DGKB: variants seen among roughly 807,000 people sequenced by gnomAD.
The protein encoded by DGKB is 90 kDa diacylglycerol kinase.
A neutral mutation model predicts 114.3 loss-of-function variants in DGKB; 67 were observed. That is an observed-to-expected ratio of 0.59 (90% confidence interval 0.48 to 0.72). The LOEUF (loss-of-function observed/expected upper bound fraction) is 0.72. DGKB is among the 30% of genes least tolerant of loss of function. DGKB has a pLI of 0.00. For synonymous variants in DGKB, 398 were observed against 323.1 expected (o/e 1.23, Z -2.49); for missense variants, 907 against 975.2 (o/e 0.93, Z 0.93).
intron 21 of DGKB, among the ~76,000 whole-genome samples, chr7:14,422,488 A>G (rs1826867862): frequency 6.6e-6 from 1 of 152,114 alleles, no homozygotes. Context: ...GCAGAAGATC[A>G]TGTAATTTTT....
chr7:14,507,986 G>T (rs1787364477), intron 20 of DGKB, among the ~76,000 whole-genome samples: 1 of 152,022 alleles, frequency 6.6e-6, no homozygotes, highest in African/African-American at 2.4e-5. Context: ...ATCTACTTTT[G>T]GCTACTGTGG....
At chr7:14,694,693 G>C (rs1823501026) in intron 8 of DGKB, among the ~76,000 whole-genome samples, 1 of 151,596 alleles carries the variant, frequency 6.6e-6, no homozygotes, top group Non-Finnish European at 1.5e-5. Flanking sequence ...CGTTTCTAAA[G>C]ATGACTTGCA....
At chr7:14,854,890 C>T (rs569220203) in intron 1 of DGKB, among the ~76,000 whole-genome samples, 10 of 152,086 alleles carry the variant, frequency 6.6e-5, no homozygotes, top group South Asian at 4.2e-4. Context: ...GAAATAGACA[C>T]GTAATAGCTC....
intron 12 of DGKB, among the ~76,000 whole-genome samples, chr7:14,678,179 T>C (rs1335367166): frequency 4.6e-5 from 7 of 152,062 alleles, no homozygotes; most frequent in South Asian, 2.1e-4. Context: ...CTACACTCAG[T>C]ACTTTGTCAA....
intron 1 of DGKB, among the ~76,000 whole-genome samples, chr7:14,888,248 C>G (rs772927967): frequency 6.6e-6 from 1 of 151,638 alleles, no homozygotes; most frequent in Admixed American, 6.6e-5. Context: ...TAGTGGGAGG[C>G]ACAGAGACAG....
chr7:14,577,358 C>A (rs1418058038), intron 19 of DGKB, among the ~76,000 whole-genome samples: 1 of 152,162 alleles, frequency 6.6e-6, no homozygotes, highest in Admixed American at 6.5e-5. Context: ...TGGCTCATGT[C>A]TATAATCCCA....
chr7:14,811,391 A>G lies in DGKB; in HGVS notation c.70+29803T>C, dbSNP rs140275985. 5.9e-5 allele frequency among the ~76,000 whole-genome samples: 9 copies of G among 152,292 alleles called. No homozygotes were observed. In the East Asian group the frequency reaches 1.4e-3, roughly 23 times the overall value. ...CCTGGCCTAGTAACAGGAAGTTTTA[A>G]TAATACTGAAGTTGCTCTCAGTTTT... On this transcript the variant is annotated intron_variant, in intron 2 of 25. Transcript: ENST00000402815.
chr7:14,237,674 T>G (rs956806598), intron 23 of DGKB, among the ~76,000 whole-genome samples: 4 of 152,012 alleles, frequency 2.6e-5, no homozygotes, highest in African/African-American at 9.7e-5. Flanking sequence ...CAAAATAGTT[T>G]ATGTAGTAGA....
chr7:14,868,340 A>T (rs1454729529), intron 1 of DGKB, among the ~76,000 whole-genome samples: 12 of 144,452 alleles, frequency 8.3e-5, no homozygotes, highest in African/African-American at 1.0e-4. Context: ...TTTCCTTTTC[A>T]TTTTTTTTTT....
chr7:14,587,204 G>C (rs1052513851), intron 17 of DGKB, among the ~76,000 whole-genome samples: 1 of 152,058 alleles, frequency 6.6e-6, no homozygotes, highest in Non-Finnish European at 1.5e-5. Flanking sequence ...GGAAGAAGTT[G>C]ATGCCAAGTC....
chr7:14,750,939 G>C (rs913906965), intron 4 of DGKB, among the ~76,000 whole-genome samples: 3 of 151,144 alleles, frequency 2.0e-5, no homozygotes, highest in African/African-American at 7.3e-5. Context: ...AAGTATCTGA[G>C]ACTACAGGCG....
At chr7:14,850,333 C>T (rs926435915) in intron 1 of DGKB, among the ~76,000 whole-genome samples, 21 of 126,620 alleles carry the variant, frequency 1.7e-4, no homozygotes, top group African/African-American at 2.2e-4. Flanking sequence ...AATATGAAAT[C>T]GAGAGACTTT....
chr7:14,743,382 TA>T (rs1166236245), intron 4 of DGKB, among the ~76,000 whole-genome samples: 1 of 152,190 alleles, frequency 6.6e-6, no homozygotes, highest in East Asian at 1.9e-4. Context: ...TTCCCTATTT[TA>T]AAATTTTTGA....
intron 13 of DGKB, among the ~76,000 whole-genome samples, chr7:14,647,267 T>C (rs368260884): frequency 7.3e-5 from 11 of 151,598 alleles, no homozygotes; most frequent in African/African-American, 2.4e-4. Flanking sequence ...CAAGAAGAAA[T>C]AGAAAATCTG....
intron 2 of DGKB, among the ~76,000 whole-genome samples, chr7:14,790,341 A>G (rs943798047): frequency 6.6e-6 from 1 of 152,304 alleles, no homozygotes; most frequent in East Asian, 1.9e-4. Flanking sequence ...CACTTTCAAT[A>G]TCAAGTCTAA....
rs1415429516 is a variant in DGKB at position 14,852,286 on chromosome 7, G to A, written c.-187-10836C>T. Among the ~76,000 whole-genome samples, 3 of 151,712 alleles carry A rather than the reference G, an allele frequency of 2.0e-5. No individual in the cohort carries two copies. The East Asian group carries it at 5.8e-4, about 29-fold the overall frequency. Reference sequence around the variant, plus strand: ...TTAGCATATGCTGAAAGAAGTGTGTGTGTGTGTGTGTTTGTGTGTGTGTGT... The same window carrying A: ...TTAGCATATGCTGAAAGAAGTGTGTATGTGTGTGTGTTTGTGTGTGTGTGT... On this transcript the variant is annotated intron_variant, in intron 1 of 25. Transcript: ENST00000402815.
At chr7:14,349,571 C>T (rs1250825226) in intron 21 of DGKB, among the ~76,000 whole-genome samples, 1 of 152,088 alleles carries the variant, frequency 6.6e-6, no homozygotes, top group Non-Finnish European at 1.5e-5. Flanking sequence ...CCTTATTCAC[C>T]ATATTAGTTA....
chr7:14,595,031 T>C (rs1802327263), intron 17 of DGKB, among the ~76,000 whole-genome samples: 1 of 152,054 alleles, frequency 6.6e-6, no homozygotes. Flanking sequence ...ACAGTTCAGG[T>C]CACTATAAGA....
Position 14,864,101 on chromosome 7 carries a change from CAAA to C in DGKB, c.-187-22654_-187-22652del, listed in dbSNP as rs34612317. On this transcript the variant is annotated intron_variant, in intron 1 of 25. Transcript: ENST00000402815. ...GGGCAACGGGAGCAAAACTCTGTTT[CAAA>C]AAAAAAAAAAAAAAGGGAACATTGA... 7.5e-4 allele frequency among the ~76,000 whole-genome samples: 72 copies of C among 96,488 alleles called. No homozygotes were observed. In the Middle Eastern group the frequency reaches 0.018, roughly 24 times the overall value. The allele number at this position is 96,488 out of a possible 152,430, so 63.3% of individuals were successfully genotyped here.
Sources: gnomAD v4.1 joint callset for allele counts (sites outside exome capture counted in the v4.1 genomes callset) on GRCh38, gnomAD v4.1.1 for gene constraint, MANE v1.5 for transcripts, NCBI Gene and HGNC (gene_info 2026-07-23, HGNC 2026-07-21) for gene names.